ROR1: variants seen among roughly 807,000 people sequenced by gnomAD.
ROR1 encodes the protein ROR family WNT receptor 1.
Under a neutral mutation model 78.8 loss-of-function variants are expected in ROR1, and 19 were observed. That is an observed-to-expected ratio of 0.24 (90% CI 0.17 to 0.35). ROR1 has a LOEUF of 0.35. ROR1 is among the 10% of genes least tolerant of loss of function. The pLI is 1.00. For missense variants in ROR1, 917 were observed against 1,177.8 expected, an observed-to-expected ratio of 0.78 and a Z score of 3.24; for synonymous variants, 386 against 433.6, an observed-to-expected ratio of 0.89 and a Z score of 1.36.
At chr1:64,125,797 T>C (rs909525666) in intron 4 of ROR1, among the ~76,000 whole-genome samples, 1 of 152,170 alleles carries the variant, frequency 6.6e-6, no homozygotes, top group African/African-American at 2.4e-5. Flanking sequence ...TTGGAATCTG[T>C]AGGAGGTCTG....
At chr1:63,907,673 C>G (rs1645539671) in intron 1 of ROR1, among the ~76,000 whole-genome samples, 1 of 152,194 alleles carries the variant, frequency 6.6e-6, no homozygotes, top group Non-Finnish European at 1.5e-5. Context: ...GTTTCTGTGC[C>G]TAGCAGTGTG....
chr1:63,946,461 T>A (rs575570118), intron 1 of ROR1, among the ~76,000 whole-genome samples: 116 of 152,284 alleles, frequency 7.6e-4, no homozygotes, highest in African/African-American at 2.4e-3. Context: ...GTTAAAAAAA[T>A]GTTTTTGTGG....
intron 4 of ROR1, among the ~76,000 whole-genome samples, chr1:64,113,284 A>G (rs572629921): frequency 3.9e-5 from 6 of 152,342 alleles, no homozygotes; most frequent in Admixed American, 1.3e-4. Context: ...TAAATAGCCT[A>G]ACACCGTGCA....
At chr1:64,043,768 C>T (rs976564317) in intron 2 of ROR1, among the ~76,000 whole-genome samples, 3 of 152,136 alleles carry the variant, frequency 2.0e-5, no homozygotes, top group East Asian at 1.9e-4. Flanking sequence ...CTGGCTCTGC[C>T]GCTTTCTGGC....
At chr1:64,038,012 C>T (rs1646716824) in intron 2 of ROR1, among the ~76,000 whole-genome samples, 1 of 152,182 alleles carries the variant, frequency 6.6e-6, no homozygotes, top group African/African-American at 2.4e-5. Context: ...CCCTCCTGAG[C>T]ATAAAACAGC....
chr1:64,112,689 C>G (rs1557658133), intron 4 of ROR1, among the ~76,000 whole-genome samples: 1 of 152,078 alleles, frequency 6.6e-6, no homozygotes, highest in East Asian at 1.9e-4. Context: ...CTCTTTCAAC[C>G]TCATATTTGT....
chr1:63,926,864 C>G (rs1448049669), intron 1 of ROR1, among the ~76,000 whole-genome samples: 2 of 94,470 alleles, frequency 2.1e-5, no homozygotes, highest in African/African-American at 6.3e-5. Context: ...GATTTTGTAT[C>G]CTGAGACTTT....
At chr1:64,108,063 TGTGTGTG>T (rs1310231775) in intron 4 of ROR1, among the ~76,000 whole-genome samples, 1 of 350 alleles carries the variant, frequency 2.9e-3, no homozygotes, top group Non-Finnish European at 0.016. Flanking sequence ...TTTCTTGTTG[TGTGTGTG>T]TGTGTGTGTG....
chr1:64,030,746 A>T (rs1481287864), intron 2 of ROR1, among the ~76,000 whole-genome samples: 1 of 152,206 alleles, frequency 6.6e-6, no homozygotes, highest in Non-Finnish European at 1.5e-5. Flanking sequence ...ATGGAAATAG[A>T]CCTATAAAAC....
chr1:64,125,471 G>C (rs1001900222), intron 4 of ROR1, among the ~76,000 whole-genome samples: 10 of 152,150 alleles, frequency 6.6e-5, no homozygotes, highest in Admixed American at 3.9e-4. Context: ...TGACTACAAA[G>C]CTGGGAGTTG....
At chr1:63,900,173 G>T (rs1645473217) in intron 1 of ROR1, among the ~76,000 whole-genome samples, 1 of 152,134 alleles carries the variant, frequency 6.6e-6, no homozygotes, top group South Asian at 2.1e-4. Context: ...GGAAAAGTTG[G>T]CCGGGCGTGG....
At chr1:64,129,981 G>C (rs1418946104) in intron 4 of ROR1, among the ~76,000 whole-genome samples, 1 of 151,892 alleles carries the variant, frequency 6.6e-6, no homozygotes, top group Non-Finnish European at 1.5e-5. Flanking sequence ...TTATTCATCT[G>C]TTTGTTTTAA....
At chr1:64,121,930 C>T (rs1417518788) in intron 4 of ROR1, among the ~76,000 whole-genome samples, 1 of 152,314 alleles carries the variant, frequency 6.6e-6, no homozygotes, top group Non-Finnish European at 1.5e-5. Flanking sequence ...GCTACTTCTT[C>T]CTCTTTAAAC....
intron 1 of ROR1, among the ~76,000 whole-genome samples, chr1:63,947,413 C>T (rs1312601483): frequency 6.6e-6 from 1 of 152,184 alleles, no homozygotes; most frequent in Non-Finnish European, 1.5e-5. Context: ...GAAGAAATTG[C>T]ATCTAATGGA....
chr1:63,861,407 T>C (rs1645180830), intron 1 of ROR1, among the ~76,000 whole-genome samples: 1 of 152,238 alleles, frequency 6.6e-6, no homozygotes, highest in Non-Finnish European at 1.5e-5. Context: ...TTGGATTTTA[T>C]TTATTTCTTT....
At chr1:63,967,551 C>T (rs1034748368) in intron 1 of ROR1, among the ~76,000 whole-genome samples, 6 of 152,150 alleles carry the variant, frequency 3.9e-5, no homozygotes, top group East Asian at 1.9e-4. Flanking sequence ...AGTTCTCCTC[C>T]TCTATCCCTA....
At chr1:64,135,982 C>T (rs928920502) in intron 4 of ROR1, among the ~76,000 whole-genome samples, 1 of 152,172 alleles carries the variant, frequency 6.6e-6, no homozygotes, top group Non-Finnish European at 1.5e-5. Context: ...GACTCCTACG[C>T]TAGACCTTCA....
chr1:64,087,197 C>T (rs1257165285), intron 4 of ROR1, among the ~76,000 whole-genome samples: 1 of 152,168 alleles, frequency 6.6e-6, no homozygotes, highest in African/African-American at 2.4e-5. Context: ...CCTGCCCCAC[C>T]CTCTATTTTG....
intron 1 of ROR1, among the ~76,000 whole-genome samples, chr1:63,781,937 G>A (rs1644653920): frequency 6.6e-6 from 1 of 152,168 alleles, no homozygotes; most frequent in Non-Finnish European, 1.5e-5. Context: ...TGGCTTTTAG[G>A]ACTGGACTGC....
Sources: gnomAD v4.1 joint callset for allele counts (sites outside exome capture counted in the v4.1 genomes callset) on GRCh38, gnomAD v4.1.1 for gene constraint, MANE v1.5 for transcripts, NCBI Gene and HGNC (gene_info 2026-07-23, HGNC 2026-07-21) for gene names.